The following BAHCC1 variants were observed in gnomAD, a reference collection of about 807,000 sequenced individuals.
BAHCC1 encodes the protein BAH domain and coiled-coil containing 1.
Under a neutral mutation model 88.2 loss-of-function variants are expected in BAHCC1, and 43 were observed. That is an observed-to-expected ratio of 0.49 (90% CI 0.38 to 0.63). The LOEUF is 0.63. Ranked by LOEUF, BAHCC1 falls within the 20% of genes least tolerant of loss-of-function variation. The probability of loss-of-function intolerance (pLI) is 0.00; values close to 1 mark genes in which losing one functional copy is unlikely to be tolerated. For synonymous variants in BAHCC1, 1,510 were observed against 745.5 expected (o/e 2.03, Z -16.71); for missense variants, 3,023 against 1,654.8 (o/e 1.83, Z -14.34).
rs906157886 is a variant in BAHCC1, at chr17:81,411,007, T to G, written c.178+11090T>G. The G allele has an allele frequency of 3.9e-6, 2 of 507,848 alleles. No individual in the cohort carries two copies. Among genetic ancestry groups the G allele is most frequent in the East Asian group, 1.1e-4 (2 of 17,992 alleles). 31.5% of individuals were successfully genotyped at this position (507,848 alleles called of 1,614,324 possible). Reference sequence around the variant, plus strand: ...AGGGCTTCGGAGCCGCACCTGGGTCTTTGTTGTCCATATGTCTGTGTGAAG... The same window carrying G: ...AGGGCTTCGGAGCCGCACCTGGGTCGTTGTTGTCCATATGTCTGTGTGAAG... On this transcript the variant is annotated intron_variant, in intron 2 of 27. Transcript: ENST00000675386. The surrounding 1 kb of genome is among the most constrained non-coding windows in gnomAD (Gnocchi z 6.2).
intron 2 of BAHCC1, chr17:81,410,050 C>T (rs985863412): frequency 2.8e-6 from 1 of 353,412 alleles, no homozygotes; most frequent in Non-Finnish European, 5.9e-6. Flanking sequence ...TCTAGGCCTC[C>T]TACCTCTAAA....
At chr17:81,408,813 T>C (rs1357898627) in intron 2 of BAHCC1, among the ~76,000 whole-genome samples, 2 of 152,170 alleles carry the variant, frequency 1.3e-5, no homozygotes, top group African/African-American at 4.8e-5. Flanking sequence ...TCCCCTGATA[T>C]CAGCCACCTT....
Position 81,443,832 on chromosome 17 carries a change from C to G in BAHCC1, c.2239C>G (p.His747Asp), listed in dbSNP as rs1250917315. Residue 747 changes from histidine (H) to aspartate (D), a missense_variant, in exon 6 of 28, where the codon CAC (histidine) becomes GAC (aspartate). His to Asp is a moderately conservative substitution (Grantham distance 81). Coordinates refer to ENST00000675386, the MANE Select transcript of BAHCC1 (RefSeq NM_001377448.1). ...AGGTGGCGGTGGGCCCCGTTCCACACACGCGCTGGACCTGGAGGCTGAGGA... is the reference window on the plus strand; with the variant it reads ...AGGTGGCGGTGGGCCCCGTTCCACAGACGCGCTGGACCTGGAGGCTGAGGA... ...FKGGGGPRSTHALDLEAEEER... is the reference protein window; with the variant it reads ...FKGGGGPRSTDALDLEAEEER... The G allele has an allele frequency of 1.4e-6, 1 of 712,940 alleles. No homozygotes were observed. Among genetic ancestry groups the G allele is most frequent in the African/African-American group, 1.7e-5 (1 of 57,216 alleles). The allele number at this position is 712,940 out of a possible 1,614,324, so 44.2% of individuals were successfully genotyped here.
chr17:81,461,262 G>A lies in BAHCC1; in HGVS notation c.6599G>A (p.Arg2200Gln), dbSNP rs114850835. ...ERVEAEKGGR[R>Q]RAGGEFLVKL... Reference sequence around the variant, plus strand: ...GTGGAGGCCGAGAAGGGTGGGCGGCGGCGGGCGGGCGGTGAGTTCCTGGTC... The same window carrying A: ...GTGGAGGCCGAGAAGGGTGGGCGGCAGCGGGCGGGCGGTGAGTTCCTGGTC... Residue 2200 changes from arginine to glutamine, a missense_variant, in exon 26 of 28, where the codon CGG becomes CAG. Coordinates refer to ENST00000675386, the MANE Select transcript of BAHCC1 (RefSeq NM_001377448.1). 696 of 697,468 alleles carry A rather than the reference G, an allele frequency of 1.0e-3. 1 individual carries two copies. Among genetic ancestry groups the A allele is most frequent in the African/African-American group, 9.3e-3 (535 of 57,238 alleles). 43.2% of individuals were successfully genotyped at this position (697,468 alleles called of 1,614,324 possible).
chr17:81,432,511 G>A lies in BAHCC1; in HGVS notation c.358+5532G>A, dbSNP rs898054082. Among the ~76,000 whole-genome samples, 139 of 104,412 alleles carry A rather than the reference G, an allele frequency of 1.3e-3. 1 individual carries two copies. The highest frequency in any genetic ancestry group is 5.1e-3 in the African/African-American group (119 of 23,132). The allele number at this position is 104,412 out of a possible 152,430, so 68.5% of individuals were successfully genotyped here. A position where few individuals can be genotyped will look rare whatever the true frequency, so the allele number is the denominator to read the frequency against. Reference sequence around the variant, plus strand: ...CCATTGCCCCCTGTGGCTTGAGGGCGGCCCCAGCCTCGGACCCACCCTCCC... The same window carrying A: ...CCATTGCCCCCTGTGGCTTGAGGGCAGCCCCAGCCTCGGACCCACCCTCCC... On this transcript the variant is annotated intron_variant, in intron 3 of 27. Coordinates refer to ENST00000675386, the MANE Select transcript of BAHCC1 (RefSeq NM_001377448.1).
intron 2 of BAHCC1, among the ~76,000 whole-genome samples, chr17:81,423,940 G>T (rs1276284201): frequency 6.6e-6 from 1 of 152,206 alleles, no homozygotes; most frequent in Non-Finnish European, 1.5e-5. Flanking sequence ...GAAGTGCGGG[G>T]TATCCTGGCG....
At chr17:81,428,896 A>G (rs1035857490) in intron 3 of BAHCC1, among the ~76,000 whole-genome samples, 5,123 of 152,234 alleles carry the variant, frequency 0.034, 253 homozygotes, top group African/African-American at 0.11. Flanking sequence ...TGGGAAGCCA[A>G]TGTCCTGCCA....
intron 2 of BAHCC1, among the ~76,000 whole-genome samples, chr17:81,419,733 G>GGGAGCCT (rs782212303): frequency 2.0e-4 from 30 of 152,192 alleles, no homozygotes; most frequent in Non-Finnish European, 1.3e-4. Context: ...AGCGGGAGCC[G>GGGAGCCT]GGAGCCTGGG....
At chr17:81,446,651 C>T in intron 10 of BAHCC1, 1 of 373,672 alleles carries the variant, frequency 2.7e-6, no homozygotes, top group East Asian at 7.4e-5. Context: ...TGGGCTCAAG[C>T]CATCCTCCCA....
chr17:81,407,325 A>G (rs782291619), intron 2 of BAHCC1: 1 of 519,948 alleles, frequency 1.9e-6, no homozygotes, highest in Non-Finnish European at 3.8e-6. Flanking sequence ...GAGAAGCCTT[A>G]GCCATATTAA....
chr17:81,398,466 C>T (rs1400918164), intron 1 of BAHCC1, among the ~76,000 whole-genome samples: 3 of 152,066 alleles, frequency 2.0e-5, no homozygotes, highest in Admixed American at 1.3e-4. Flanking sequence ...AGCTGGGCGC[C>T]GCAGACCCCG....
rs1555653664 is a variant in BAHCC1 at position 81,444,407 on chromosome 17, C to G, written c.2351C>G (p.Ala784Gly). 2 of 748,262 alleles carry G rather than the reference C, an allele frequency of 2.7e-6. No homozygotes were observed. Among genetic ancestry groups the G allele is most frequent in the African/African-American group, 3.4e-5 (2 of 58,290 alleles). 46.4% of individuals were successfully genotyped at this position (748,262 alleles called of 1,614,324 possible). ...GACAGCAAAGACCGCGTAGAGTTCG[C>G]CCGGATCCACCCACCGAGCAGCTGC... ...LQDSKDRVEFARIHPPSSCPG... is the reference protein window; with the variant it reads ...LQDSKDRVEFGRIHPPSSCPG... The change falls in exon 7 of 28, where the codon GCC (alanine) becomes GGC (glycine). Residue 784 changes from alanine (A) to glycine (G), a missense_variant. Ala to Gly is a moderately conservative substitution (Grantham distance 60). Transcript: ENST00000675386.
In BAHCC1 at chr17:81,447,664, G is replaced by C. The variant is rs1463556044; in HGVS notation, c.3792G>C (p.Val1264=). The C allele has an allele frequency of 2.7e-6, 2 of 739,634 alleles. No homozygotes were observed. Among genetic ancestry groups the C allele is most frequent in the Admixed American group, 3.8e-5 (2 of 52,830 alleles). The allele number at this position is 739,634 out of a possible 1,614,324, so 45.8% of individuals were successfully genotyped here. A position where few individuals can be genotyped will look rare whatever the true frequency, so the allele number is the denominator to read the frequency against. The change falls in exon 11 of 28, where the codon GTG becomes GTC. Residue 1264 remains valine (V), a synonymous_variant. Coordinates refer to ENST00000675386, the MANE Select transcript of BAHCC1 (RefSeq NM_001377448.1). ...PRALPGLDAL[V]AATINLGDLP... ...CGCTACCAGGCCTGGATGCCTTGGT[G>C]GCCGCCACCATCAACCTGGGGGACC...
chr17:81,411,472 AC>A lies in BAHCC1; in HGVS notation c.178+11559del. 4.1e-6 allele frequency: 1 copy of A among 243,182 alleles called. No individual in the cohort carries two copies. Among genetic ancestry groups the A allele is most frequent in the South Asian group, 3.0e-5 (1 of 33,892 alleles). The allele number at this position is 243,182 out of a possible 1,614,324, so 15.1% of individuals were successfully genotyped here. A position where few individuals can be genotyped will look rare whatever the true frequency, so the allele number is the denominator to read the frequency against. On this transcript the variant is annotated intron_variant, in intron 2 of 27. Transcript: ENST00000675386. The surrounding 1 kb of genome is among the most constrained non-coding windows in gnomAD (Gnocchi z 6.2). ...GTCCTTGAGGTCGTCAGCCAGCCCC[AC>A]CCCTGCCTGCCTGCCTGCCTGCCTG...
chr17:81,421,670 C>G (rs2064117255), intron 2 of BAHCC1, among the ~76,000 whole-genome samples: 1 of 152,218 alleles, frequency 6.6e-6, no homozygotes, highest in Admixed American at 6.5e-5. Flanking sequence ...GTGCAGGGCC[C>G]CTGCTCACGG....
chr17:81,463,599 C>T lies in BAHCC1; in HGVS notation c.7621-12C>T, dbSNP rs782642186. 9 of 779,272 alleles carry T rather than the reference C, an allele frequency of 1.2e-5. No homozygotes were observed. Among genetic ancestry groups the T allele is most frequent in the Non-Finnish European group, 1.9e-5 (8 of 417,854 alleles). The allele number at this position is 779,272 out of a possible 1,614,324, so 48.3% of individuals were successfully genotyped here. A position where few individuals can be genotyped will look rare whatever the true frequency, so the allele number is the denominator to read the frequency against. ...AGGCCGGCCACTGATGCCCCGCGCG[C>T]CTTGCCCCCAGAATGCGCTGTACCA... On this transcript the variant is annotated splice_polypyrimidine_tract_variant and intron_variant, in intron 27 of 27. Coordinates refer to ENST00000675386, the MANE Select transcript of BAHCC1 (RefSeq NM_001377448.1).
In BAHCC1 at chr17:81,411,018, T is replaced by C. The variant is rs2063943211; in HGVS notation, c.178+11101T>C. 2 of 514,330 alleles carry C rather than the reference T, an allele frequency of 3.9e-6. No homozygotes were observed. Among genetic ancestry groups the C allele is most frequent in the Non-Finnish European group, 7.8e-6 (2 of 257,892 alleles). The allele number at this position is 514,330 out of a possible 1,614,324, so 31.9% of individuals were successfully genotyped here. On this transcript the variant is annotated intron_variant, in intron 2 of 27. Coordinates refer to ENST00000675386, the MANE Select transcript of BAHCC1 (RefSeq NM_001377448.1). This position sits in a 1 kb window ranked among gnomAD's most constrained non-coding sequence, Gnocchi z 6.2. ...GCCGCACCTGGGTCTTTGTTGTCCA[T>C]ATGTCTGTGTGAAGGCCTGGGGCCC...
At position 81,460,400 on chromosome 17, in the gene BAHCC1, AGCCTGGGAGCTGCACGGGGCAGGGCCCT is replaced by A. The variant is rs1555658803; in HGVS notation, c.6025+12_6025+39del. ...CCCCCTGACTTCAAGATCCAGTGTG[AGCCTGGGAGCTGCACGGGGCAGGGCCCT>A]GCCTGGGCTCCACTGTGTCCAGACG... is the stretch of plus-strand genomic sequence containing the variant. On this transcript the variant is annotated splice_donor_5th_base_variant and intron_variant, in intron 24 of 27. Transcript: ENST00000675386. 1.3e-6 allele frequency: 1 copy of A among 758,980 alleles called. No individual in the cohort carries two copies. Among genetic ancestry groups the A allele is most frequent in the Admixed American group, 1.8e-5 (1 of 55,758 alleles). The allele number at this position is 758,980 out of a possible 1,614,324, so 47.0% of individuals were successfully genotyped here.
chr17:81,400,541 G>C (rs117735059), intron 2 of BAHCC1, among the ~76,000 whole-genome samples: 1 of 152,224 alleles, frequency 6.6e-6, no homozygotes, highest in Non-Finnish European at 1.5e-5. Context: ...GCCAGAGTGC[G>C]GCCCAGCCTC....
Sources: gnomAD v4.1 joint callset for allele counts (sites outside exome capture counted in the v4.1 genomes callset) on GRCh38, gnomAD v4.1.1 for gene constraint, Gnocchi (gnomAD v3.1) non-coding constraint, MANE v1.5 for transcripts, NCBI Gene and HGNC (gene_info 2026-07-23, HGNC 2026-07-21) for gene names.